SLC24A1: variants seen among roughly 807,000 people sequenced by gnomAD.
The protein encoded by SLC24A1 is solute carrier family 24 member 1.
A neutral mutation model predicts 88.1 loss-of-function variants in SLC24A1; 52 were observed. The observed-to-expected ratio is 0.59, with a 90% CI of 0.47 to 0.74. SLC24A1 has a LOEUF of 0.74. Among genes scored for constraint, SLC24A1 ranks in the 30% least tolerant of loss-of-function variants. The pLI, the probability that SLC24A1 is intolerant of heterozygous loss-of-function variation, is 0.00. For synonymous variants in SLC24A1, 455 were observed against 498.0 expected (o/e 0.91, Z 1.15); for missense variants, 1,173 against 1,363.3 (o/e 0.86, Z 2.20).
intron 4 of SLC24A1, among the ~76,000 whole-genome samples, chr15:65,643,277 A>G (rs1052872783): frequency 1.6e-4 from 24 of 152,212 alleles, no homozygotes; most frequent in African/African-American, 5.3e-4. Flanking sequence ...CAGGCTTCAG[A>G]ATTGTGCTAA....
intron 1 of SLC24A1, among the ~76,000 whole-genome samples, chr15:65,623,317 T>A (rs549371896): frequency 5.3e-5 from 8 of 152,266 alleles, no homozygotes; most frequent in African/African-American, 1.7e-4. Context: ...CTGTCCAGGA[T>A]GACACAGCTG....
At chr15:65,617,440 T>C (rs2074184664), upstream of SLC24A1, among the ~76,000 whole-genome samples, 1 of 152,222 alleles carries the variant, frequency 6.6e-6, no homozygotes, top group South Asian at 2.1e-4. Flanking sequence ...AGGAGGTCCT[T>C]CACATCCCTT....
intron 2 of SLC24A1, among the ~76,000 whole-genome samples, chr15:65,627,821 C>T (rs2074571897): frequency 6.6e-6 from 1 of 152,176 alleles, no homozygotes; most frequent in South Asian, 2.1e-4. Flanking sequence ...GCTTGCAGGA[C>T]AAATGAAGCA....
At position 65,631,285 on chromosome 15, in the gene SLC24A1, C is replaced by T. The variant is rs181819957; in HGVS notation, c.1890+5315C>T. Among the ~76,000 whole-genome samples the T allele has an allele frequency of 1.7e-3, 261 of 152,204 alleles. 1 individual carries two copies. Among genetic ancestry groups the T allele is most frequent in the African/African-American group, 5.9e-3 (244 of 41,526 alleles). On this transcript the variant is annotated intron_variant, in intron 2 of 9. Coordinates refer to ENST00000261892, the MANE Select transcript of SLC24A1 (RefSeq NM_004727.3). ...AGCATAATTTCTAGATGCTCTGCCA[C>T]CTGAATTAATTGGAAATATGCAACC...
chr15:65,654,261 T>C lies in SLC24A1; in HGVS notation c.*182T>C, dbSNP rs1312294881. On this transcript the variant is annotated 3_prime_UTR_variant, in exon 10 of 10. Transcript: ENST00000261892. ...CCTTGGAAACACCTGCAGCTCATTG[T>C]GGATTAAGAACCTCACCCCTGGAGG... 9 of 1,405,570 alleles carry C rather than the reference T, an allele frequency of 6.4e-6. No homozygotes were observed. Among genetic ancestry groups the C allele is most frequent in the Non-Finnish European group, 8.3e-6 (9 of 1,086,148 alleles). The allele number at this position is 1,405,570 out of a possible 1,614,324, so 87.1% of individuals were successfully genotyped here.
upstream of SLC24A1, among the ~76,000 whole-genome samples, chr15:65,619,391 T>A (rs2074248264): frequency 6.6e-6 from 1 of 152,164 alleles, no homozygotes; most frequent in Admixed American, 6.5e-5. Flanking sequence ...GACATTGGAA[T>A]ACTTATTGGT....
intron 4 of SLC24A1, among the ~76,000 whole-genome samples, chr15:65,640,711 T>A (rs1483688041): frequency 6.6e-6 from 1 of 152,156 alleles, no homozygotes; most frequent in African/African-American, 2.4e-5. Flanking sequence ...CTCAGAATTT[T>A]CTTTAGGCTC....
chr15:65,646,190 C>G (rs1013658830), intron 6 of SLC24A1, among the ~76,000 whole-genome samples: 1 of 152,222 alleles, frequency 6.6e-6, no homozygotes, highest in African/African-American at 2.4e-5. Context: ...CTTCTTCTAC[C>G]ATGCTCCAGC....
Position 65,625,853 on chromosome 15 carries a change from G to T in SLC24A1, c.1773G>T (p.Leu591=). The T allele has an allele frequency of 6.2e-7, 1 of 1,613,908 alleles. No homozygotes were observed. The highest frequency in any genetic ancestry group is 1.7e-5 in the Admixed American group (1 of 60,032). ...GGTGGGAGAGCCTGCTGCTGCTGCT[G>T]GCCTATGCCTTCTATGTGTTCACCA... is the stretch of plus-strand genomic sequence containing the variant. ...IAWWESLLLL[L]AYAFYVFTMK... is the part of the protein sequence containing the mutation. The change falls in exon 2 of 10, where the codon CTG becomes CTT. Residue 591 remains leucine, a synonymous_variant. Transcript: ENST00000261892.
chr15:65,643,263 T>A (rs1369838281), intron 4 of SLC24A1, among the ~76,000 whole-genome samples: 1 of 152,192 alleles, frequency 6.6e-6, no homozygotes, highest in East Asian at 1.9e-4. Flanking sequence ...CAAACCCAGG[T>A]CATCAGGCTT....
chr15:65,658,432 C>T (rs1263028126), downstream of SLC24A1: 1 of 152,180 alleles, frequency 6.6e-6, no homozygotes, highest in African/African-American at 2.4e-5. Context: ...TAGCAGCTTT[C>T]AAGTTCTAGT....
At chr15:65,631,604 G>C (rs988775315) in intron 2 of SLC24A1, among the ~76,000 whole-genome samples, 32 of 152,196 alleles carry the variant, frequency 2.1e-4, no homozygotes, top group African/African-American at 7.5e-4. Flanking sequence ...AGCTGGAAAA[G>C]AGAGCTTGGC....
rs138702559 is a variant in SLC24A1 at position 65,644,514 on chromosome 15, G to A, written c.2140+1G>A. On this transcript the variant is annotated splice_donor_variant, in intron 5 of 9. Transcript: ENST00000261892. LOFTEE classifies it high-confidence loss of function. ...GCCAAAGCAGAAAGCAAACCAGAAG[G>A]TGAGAGGATGGCCAGACCAGTGGGT... 1.3e-6 allele frequency: 2 copies of A among 1,574,602 alleles called. No homozygotes were observed. Among genetic ancestry groups the A allele is most frequent in the East Asian group, 2.3e-5 (1 of 42,906 alleles).
At position 65,650,775 on chromosome 15, in the gene SLC24A1, GAAGAGC is replaced by G. The variant is rs1378441198; in HGVS notation, c.2628_2633del (p.Gln878_Glu879del). On this transcript the variant is annotated inframe_deletion, in exon 7 of 10. Coordinates refer to ENST00000261892, the MANE Select transcript of SLC24A1 (RefSeq NM_004727.3). This position sits in a 1 kb window ranked among gnomAD's most constrained non-coding sequence, Gnocchi z 4.1. ...AGAGCAGGAGGAAGAGGAGGAGGAG[GAAGAGC>G]AGGAGGAAGAGGAGGAGGAGGAGGA... 1 of 1,611,558 alleles carries G rather than the reference GAAGAGC, an allele frequency of 6.2e-7. No homozygotes were observed. The highest frequency in any genetic ancestry group is 2.2e-5 in the East Asian group (1 of 44,802).
chr15:65,644,444 AAGG>A lies in SLC24A1; in HGVS notation c.2080_2082del (p.Glu694del), dbSNP rs754246940. 3.5e-5 allele frequency: 55 copies of A among 1,593,844 alleles called. No homozygotes were observed. Among genetic ancestry groups the A allele is most frequent in the Non-Finnish European group, 4.5e-5 (53 of 1,170,338 alleles). On this transcript the variant is annotated inframe_deletion, in exon 5 of 10. Coordinates refer to ENST00000261892, the MANE Select transcript of SLC24A1 (RefSeq NM_004727.3). ...ATTTGCAGTTCGCCTTGCCAAGGAG[AAGG>A]AGGAGGAGAGCTTGAATCAAGGGGC...
chr15:65,644,573 T>G, intron 5 of SLC24A1, 60 bp downstream of exon 5: 1 of 1,261,382 alleles, frequency 7.9e-7, no homozygotes, highest in Non-Finnish European at 1.1e-6. Context: ...CTGTCAGTAG[T>G]GAGCTTGGCC....
chr15:65,657,506 G>A (rs11858534), downstream of SLC24A1, among the ~76,000 whole-genome samples: 1,706 of 152,302 alleles, frequency 0.011, 32 homozygotes, highest in African/African-American at 0.038. Context: ...AGCCGGGCGA[G>A]GTGGCAGGCG....
intron 2 of SLC24A1, among the ~76,000 whole-genome samples, chr15:65,628,887 T>G (rs2074608828): frequency 6.6e-6 from 1 of 152,240 alleles, no homozygotes; most frequent in Non-Finnish European, 1.5e-5. Flanking sequence ...AAAGCCACTT[T>G]GCTTTTCAAA....
chr15:65,622,872 C>G (rs1268428751), intron 1 of SLC24A1, among the ~76,000 whole-genome samples: 1 of 151,740 alleles, frequency 6.6e-6, no homozygotes, highest in Non-Finnish European at 1.5e-5. Flanking sequence ...CTCCTGTGTA[C>G]CTGGGATTAC....
Sources: gnomAD v4.1 joint callset for allele counts (sites outside exome capture counted in the v4.1 genomes callset) on GRCh38, gnomAD v4.1.1 for gene constraint, Gnocchi (gnomAD v3.1) non-coding constraint, MANE v1.5 for transcripts, NCBI Gene and HGNC (gene_info 2026-07-23, HGNC 2026-07-21) for gene names.